The following ZNF219 variants were observed in gnomAD, a reference collection of about 807,000 sequenced individuals.
ZNF219 encodes zinc finger protein 219.
Under a neutral mutation model 54.4 loss-of-function variants are expected in ZNF219, and 17 were observed. The ratio of observed to expected loss-of-function variants is 0.31; its 90% CI spans 0.21 to 0.47. The LOEUF is 0.47. ZNF219 is among the 20% of genes least tolerant of loss of function. ZNF219 has a pLI of 1.00. For synonymous variants in ZNF219, 518 were observed against 476.4 expected (o/e 1.09, Z -1.14); for missense variants, 1,014 against 1,062.3 (o/e 0.95, Z 0.63).
chr14:21,091,254 C>G, intron 4 of ZNF219, 114 bp from the exon 5 acceptor site: 11 of 1,507,776 alleles, frequency 7.3e-6, no homozygotes, highest in Non-Finnish European at 8.9e-6. Context: ...CACTGCGTCT[C>G]CCACCCACTT....
Position 21,092,723 on chromosome 14 carries a change from C to A in ZNF219, c.574G>T (p.Gly192Cys), listed in dbSNP as rs528000807. 474 of 1,587,354 alleles carry A rather than the reference C, an allele frequency of 3.0e-4. 9 individuals are homozygous for A. In the South Asian group the frequency reaches 4.9e-3, roughly 17 times the overall value. The change falls in exon 3 of 5, where the codon GGC (glycine) becomes TGC (cysteine). Residue 192 changes from glycine (G) to cysteine (C), a missense_variant. Gly to Cys is a radical substitution (Grantham distance 159). Around this residue, in one of 5 missense-constraint regions of ZNF219, gnomAD observed 395 missense variants for 415.1 expected, o/e 0.95. Coordinates refer to ENST00000360947, the MANE Select transcript of ZNF219 (RefSeq NM_016423.3). ...LHILHRPWKC[G>C]LCSFGSSQEE... ...TGGCTGGAGCCGAAACTGCACAGGCCGCACTTCCAGGGCCTATGCAGGATG... is the reference window on the plus strand; with the variant it reads ...TGGCTGGAGCCGAAACTGCACAGGCAGCACTTCCAGGGCCTATGCAGGATG...
Position 21,092,788 on chromosome 14 carries a change from C to T in ZNF219, c.509G>A (p.Gly170Asp). 6.3e-7 allele frequency: 1 copy of T among 1,582,764 alleles called. No homozygotes were observed. Among genetic ancestry groups the T allele is most frequent in the Non-Finnish European group, 8.6e-7 (1 of 1,164,146 alleles). Residue 170 changes from glycine to aspartate, a missense_variant, in exon 3 of 5, where the codon GGC (glycine) becomes GAC (aspartate). By Grantham distance (94) the Gly-to-Asp change is moderately conservative. Transcript: ENST00000360947. ...GCGCTCCGCCGAGGTGCGAAACTTG[C>T]CTTTGCAGTAGGGGCAACGGAAGGC... ...SSAFRCPYCK[G>D]KFRTSAERER... is the part of the protein sequence containing the mutation.
Position 21,092,510 on chromosome 14 carries a change from C to G in ZNF219, c.787G>C (p.Ala263Pro). 18 of 1,550,580 alleles carry G rather than the reference C, an allele frequency of 1.2e-5. No homozygotes were observed. The highest frequency in any genetic ancestry group is 1.6e-5 in the Non-Finnish European group (18 of 1,146,926). ...EREATPTPAP[A>P]APEEPPAPPE... is the part of the protein sequence containing the mutation. ...GGCGCTGGGGGCTCCTCGGGAGCGG[C>G]AGGAGCTGGGGTCGGGGTTGCCTCA... The change falls in exon 3 of 5, where the codon GCC becomes CCC. Residue 263 changes from alanine (A) to proline (P), a missense_variant. Coordinates refer to ENST00000360947, the MANE Select transcript of ZNF219 (RefSeq NM_016423.3).
At chr14:21,100,610 G>A (rs1268462519), upstream of ZNF219, among the ~76,000 whole-genome samples, 3 of 152,008 alleles carry the variant, frequency 2.0e-5, no homozygotes, top group Non-Finnish European at 4.4e-5. Context: ...CCATAAACAG[G>A]GTCCCCCCCA....
At chr14:21,102,355 G>A (rs2139351915), upstream of ZNF219, 1 of 1,543,196 alleles carries the variant, frequency 6.5e-7, no homozygotes, top group Non-Finnish European at 8.8e-7. Context: ...GGGGATTGAG[G>A]TTGGAATGAC....
At chr14:21,099,650 A>T (rs545314340), upstream of ZNF219, among the ~76,000 whole-genome samples, 46 of 152,358 alleles carry the variant, frequency 3.0e-4, no homozygotes, top group Non-Finnish European at 5.1e-4. Context: ...CAACAACAAG[A>T]AATAATAATA....
chr14:21,101,625 A>G, upstream of ZNF219: 1 of 683,762 alleles, frequency 1.5e-6, no homozygotes. Context: ...CAAGACCCTT[A>G]ATCTCCCAAG....
upstream of ZNF219, chr14:21,102,123 G>A (rs1889679508): frequency 6.4e-7 from 1 of 1,550,412 alleles, no homozygotes; most frequent in Admixed American, 2.0e-5. Context: ...TTTGGAAGGT[G>A]AGAGGGAAGA....
upstream of ZNF219, chr14:21,103,279 C>T (rs1361549489): frequency 2.6e-6 from 4 of 1,546,448 alleles, no homozygotes; most frequent in East Asian, 9.8e-5. Context: ...TCCAGACATT[C>T]CTGCATCCCA....
chr14:21,100,484 T>C (rs780640249), upstream of ZNF219, among the ~76,000 whole-genome samples: 2 of 152,102 alleles, frequency 1.3e-5, no homozygotes, highest in Non-Finnish European at 1.5e-5. Context: ...TCAAAAATAT[T>C]AATTGTTGCA....
upstream of ZNF219, chr14:21,103,507 C>T: frequency 3.9e-6 from 2 of 518,500 alleles, no homozygotes; most frequent in Non-Finnish European, 6.6e-6. Context: ...TACAGCTTCA[C>T]ATTTGCCTCA....
At chr14:21,102,189 G>A, upstream of ZNF219, 1 of 1,492,172 alleles carries the variant, frequency 6.7e-7, no homozygotes, top group Non-Finnish European at 9.0e-7. Context: ...CCTCAGCCTA[G>A]GAAGTAAGTG....
chr14:21,090,979 A>T lies in ZNF219; in HGVS notation c.1726T>A (p.Ser576Thr). ...GGCTGCGGAGACGGCTTGGCTCCAG[A>T]TTGCGGGGCCGAACCCCGCTGGGAA... ...PPSQRGSAPQ[S>T]GAKPSPQPAT... The change falls in exon 5 of 5, where the codon TCT (serine) becomes ACT (threonine). Residue 576 changes from serine to threonine, a missense_variant. By Grantham distance (58) the Ser-to-Thr change is moderately conservative. Transcript: ENST00000360947. This position sits in a 1 kb window ranked among gnomAD's most constrained non-coding sequence, Gnocchi z 4.4. 1 of 1,549,778 alleles carries T rather than the reference A, an allele frequency of 6.5e-7. No homozygotes were observed. Among genetic ancestry groups the T allele is most frequent in the Non-Finnish European group, 8.7e-7 (1 of 1,154,462 alleles).
rs1386867519 is a variant in ZNF219, at chr14:21,092,784, C to T, written c.513G>A (p.Lys171=). ...GTTCGCGCTCCGCCGAGGTGCGAAA[C>T]TTGCCTTTGCAGTAGGGGCAACGGA... The part of the protein sequence containing the change: ...SAFRCPYCKG[K]FRTSAERERH... The change falls in exon 3 of 5, where the codon AAG becomes AAA. Residue 171 remains lysine (K), a synonymous_variant. Coordinates refer to ENST00000360947, the MANE Select transcript of ZNF219 (RefSeq NM_016423.3). 1 of 1,582,592 alleles carries T rather than the reference C, an allele frequency of 6.3e-7. No homozygotes were observed. The highest frequency in any genetic ancestry group is 2.2e-5 in the East Asian group (1 of 44,534).
intron 1 of ZNF219, chr14:21,104,064 C>G (rs923781844): frequency 6.6e-6 from 1 of 152,336 alleles, no homozygotes; most frequent in East Asian, 1.9e-4. Context: ...GAGTCAGAAG[C>G]GCGGGGCCTT....
chr14:21,101,882 G>T (rs1398110220), upstream of ZNF219: 2 of 1,551,574 alleles, frequency 1.3e-6, no homozygotes, highest in Middle Eastern at 1.7e-4. Context: ...AGCTATGGCT[G>T]GCAGTGGTTG....
intron 1 of ZNF219, among the ~76,000 whole-genome samples, chr14:21,096,382 A>G (rs1039292797): frequency 4.6e-5 from 7 of 152,232 alleles, no homozygotes; most frequent in Non-Finnish European, 7.3e-5. Context: ...CTTAGGCCCA[A>G]TGAAGATCTG....
rs991441624 is a variant in ZNF219, at chr14:21,092,166, G to A, written c.1131C>T (p.Ser377=). The A allele has an allele frequency of 2.1e-6, 3 of 1,452,786 alleles. No homozygotes were observed. In the African/African-American group the frequency reaches 4.4e-5, roughly 21 times the overall value. The allele number at this position is 1,452,786 out of a possible 1,614,324, so 90.0% of individuals were successfully genotyped here. Residue 377 remains serine, a synonymous_variant, in exon 3 of 5, where the codon AGC becomes AGT. Transcript: ENST00000360947. The part of the protein sequence containing the change: ...PTPAERREPP[S]LLGYLSLRAG... The stretch of plus-strand genomic sequence containing the variant: ...CTCGCAGGCTCAGGTAGCCCAAGAG[G>A]CTCGGGGGCTCACGGCGCTCGGCCG...
chr14:21,092,754 G>A lies in ZNF219; in HGVS notation c.543C>T (p.His181=), dbSNP rs1353848927. 3 of 1,582,490 alleles carry A rather than the reference G, an allele frequency of 1.9e-6. No individual in the cohort carries two copies. In the South Asian group the frequency reaches 3.4e-5, roughly 18 times the overall value. ...KFRTSAERER[H]LHILHRPWKC... Reference sequence around the variant, plus strand: ...TCCAGGGCCTATGCAGGATGTGCAGGTGGCGTTCGCGCTCCGCCGAGGTGC... The same window carrying A: ...TCCAGGGCCTATGCAGGATGTGCAGATGGCGTTCGCGCTCCGCCGAGGTGC... The change falls in exon 3 of 5, where the codon CAC becomes CAT. Residue 181 remains histidine (H), a synonymous_variant. Transcript: ENST00000360947.
Sources: allele counts gnomAD v4.1 joint callset (sites outside exome capture counted in the v4.1 genomes callset), GRCh38; gene constraint gnomAD v4.1.1; regional missense constraint gnomAD v4.1.1; non-coding constraint Gnocchi (gnomAD v3.1); transcripts MANE v1.5; gene names NCBI Gene and HGNC (gene_info 2026-07-23, HGNC 2026-07-21).